The following PRLR variants were observed in gnomAD, a reference collection of about 807,000 sequenced individuals.
PRLR encodes the protein prolactin receptor.
A neutral mutation model predicts 40.2 loss-of-function variants in PRLR; 13 were observed. The ratio of observed to expected loss-of-function variants is 0.32; its 90% confidence interval spans 0.21 to 0.51. The LOEUF (loss-of-function observed/expected upper bound fraction) is 0.51, where lower values mean the gene tolerates loss of function less well. Among genes scored for constraint, PRLR ranks in the 20% least tolerant of loss-of-function variants. PRLR has a pLI of 0.97. For synonymous variants in PRLR, 269 were observed against 278.7 expected (o/e 0.97, Z 0.35); for missense variants, 656 against 747.3 (o/e 0.88, Z 1.42).
intron 5 of PRLR, among the ~76,000 whole-genome samples, chr5:35,075,311 T>C (rs528477547): frequency 6.6e-6 from 1 of 152,324 alleles, no homozygotes; most frequent in Admixed American, 6.5e-5. Context: ...TGACAGATGG[T>C]ACCTGGAAAA....
chr5:35,102,835 G>A (rs572078640), intron 2 of PRLR, among the ~76,000 whole-genome samples: 28 of 152,128 alleles, frequency 1.8e-4, no homozygotes, highest in African/African-American at 6.3e-4. Context: ...GAGCTGCCAC[G>A]CCCGGCTTTT....
In PRLR at chr5:35,059,472, A is replaced by C. The variant is rs1768907523; in HGVS notation, c.*5617T>G. 1 of 152,210 alleles carries C rather than the reference A, an allele frequency of 6.6e-6. No homozygotes were observed. Among genetic ancestry groups the C allele is most frequent in the Non-Finnish European group, 1.5e-5 (1 of 68,038 alleles). 9.4% of individuals were successfully genotyped at this position (152,210 alleles called of 1,614,324 possible). Reference sequence around the variant, plus strand: ...GACATAAACTCTTAGACATAAACTCATAAAATCTGTTCAGAACACTGAACA... The same window carrying C: ...GACATAAACTCTTAGACATAAACTCCTAAAATCTGTTCAGAACACTGAACA... On this transcript the variant is annotated 3_prime_UTR_variant, in exon 10 of 10. Coordinates refer to ENST00000618457, the MANE Select transcript of PRLR (RefSeq NM_000949.7).
chr5:35,198,094 G>C (rs1235410219), intron 1 of PRLR, among the ~76,000 whole-genome samples: 1 of 152,218 alleles, frequency 6.6e-6, no homozygotes, highest in Non-Finnish European at 1.5e-5. Flanking sequence ...CCCAGCGACA[G>C]GGCAGCATCC....
intron 1 of PRLR, among the ~76,000 whole-genome samples, chr5:35,199,507 C>T (rs2111601102): frequency 6.6e-6 from 1 of 152,184 alleles, no homozygotes; most frequent in East Asian, 1.9e-4. Context: ...TATCAATTTA[C>T]CTTAAAGGGA....
At chr5:35,215,264 A>G (rs1776258182) in intron 1 of PRLR, among the ~76,000 whole-genome samples, 1 of 152,198 alleles carries the variant, frequency 6.6e-6, no homozygotes, top group Non-Finnish European at 1.5e-5. Context: ...TTTGTTGGTG[A>G]AGTACAAGAA....
At chr5:35,167,541 A>G (rs1774876485) in intron 1 of PRLR, among the ~76,000 whole-genome samples, 2 of 152,116 alleles carry the variant, frequency 1.3e-5, no homozygotes, top group Admixed American at 1.3e-4. Flanking sequence ...TCATGGAAGT[A>G]TGTAATGTGG....
At chr5:35,158,352 G>C (rs1377390057) in intron 1 of PRLR, among the ~76,000 whole-genome samples, 4 of 152,068 alleles carry the variant, frequency 2.6e-5, no homozygotes, top group Non-Finnish European at 5.9e-5. Context: ...GATTATCAGG[G>C]AATAAAGAAG....
Position 35,079,303 on chromosome 5 carries a change from A to AAAACCCCAT in PRLR, c.373+5158_373+5166dup, listed in dbSNP as rs1291740813. Among the ~76,000 whole-genome samples, 4 of 152,328 alleles carry AAAACCCCAT rather than the reference A, an allele frequency of 2.6e-5. No homozygotes were observed. The East Asian group carries it at 7.7e-4, about 29-fold the overall frequency. ...GCAGATGACATGATTGTACGTTTAG[A>AAAACCCCAT]AAACCCCATCATCTCAGCCCAAAAT... On this transcript the variant is annotated intron_variant, in intron 5 of 9. Coordinates refer to ENST00000618457, the MANE Select transcript of PRLR (RefSeq NM_000949.7).
At position 35,064,738 on chromosome 5, in the gene PRLR, T is replaced by C. The variant is rs1488601222; in HGVS notation, c.*351A>G. On this transcript the variant is annotated 3_prime_UTR_variant, in exon 10 of 10. Coordinates refer to ENST00000618457, the MANE Select transcript of PRLR (RefSeq NM_000949.7). Reference sequence around the variant, plus strand: ...TGTCATCTTTCTATGGTAAACAATTTTGACAATTTCATTTCCGTCTGTCCC... The same window carrying C: ...TGTCATCTTTCTATGGTAAACAATTCTGACAATTTCATTTCCGTCTGTCCC... The C allele has an allele frequency of 5.5e-6, 1 of 181,420 alleles. No homozygotes were observed. Among genetic ancestry groups the C allele is most frequent in the Non-Finnish European group, 1.2e-5 (1 of 86,410 alleles). 11.2% of individuals were successfully genotyped at this position (181,420 alleles called of 1,614,324 possible). A position where few individuals can be genotyped will look rare whatever the true frequency, so the allele number is the denominator to read the frequency against.
At chr5:35,222,754 G>A (rs1396439189) in intron 1 of PRLR, among the ~76,000 whole-genome samples, 2 of 152,126 alleles carry the variant, frequency 1.3e-5, no homozygotes, top group Non-Finnish European at 2.9e-5. Context: ...TTCAGTAGCT[G>A]GAAATTCTAA....
chr5:35,134,826 T>C (rs2962095), intron 1 of PRLR, among the ~76,000 whole-genome samples: 34,764 of 152,094 alleles, frequency 0.23, 7,575 homozygotes, highest in African/African-American at 0.57. Flanking sequence ...CTACGGCTGT[T>C]TGGCTCCCAT....
At chr5:35,121,973 T>G (rs751705071) in intron 1 of PRLR, among the ~76,000 whole-genome samples, 3 of 152,168 alleles carry the variant, frequency 2.0e-5, no homozygotes, top group Non-Finnish European at 4.4e-5. Flanking sequence ...AAGTCCATGC[T>G]CTGAAGAAAC....
At chr5:35,156,718 G>A (rs918649222) in intron 1 of PRLR, among the ~76,000 whole-genome samples, 1 of 152,122 alleles carries the variant, frequency 6.6e-6, no homozygotes, top group East Asian at 1.9e-4. Context: ...TGTGCTCAAA[G>A]TTATCATGTC....
chr5:35,109,698 A>T (rs1470771780), intron 2 of PRLR, among the ~76,000 whole-genome samples: 2 of 152,242 alleles, frequency 1.3e-5, no homozygotes, highest in African/African-American at 4.8e-5. Flanking sequence ...AATGGCAATC[A>T]TTAAAAAGCC....
intron 5 of PRLR, chr5:35,081,894 C>T (rs1365294522): frequency 2.1e-5 from 4 of 194,256 alleles, no homozygotes; most frequent in Non-Finnish European, 3.3e-5. Flanking sequence ...TTGGGGCTGG[C>T]ATCGCCCTCA....
At chr5:35,115,250 C>T (rs541647747) in intron 2 of PRLR, among the ~76,000 whole-genome samples, 2 of 152,202 alleles carry the variant, frequency 1.3e-5, no homozygotes, top group South Asian at 2.1e-4. Flanking sequence ...TCGTTTCAGT[C>T]TCTCCACTGC....
At chr5:35,163,661 T>C (rs1478023649) in intron 1 of PRLR, among the ~76,000 whole-genome samples, 3 of 152,238 alleles carry the variant, frequency 2.0e-5, no homozygotes, top group African/African-American at 4.8e-5. Context: ...AAAGGAAGTA[T>C]ATGTATTGCT....
intron 2 of PRLR, among the ~76,000 whole-genome samples, chr5:35,112,369 T>C (rs981639680): frequency 4.5e-4 from 68 of 152,152 alleles, no homozygotes; most frequent in Non-Finnish European, 7.3e-5. Context: ...AAAAGGCGTT[T>C]AATAAATTCA....
In PRLR at chr5:35,064,718, T is replaced by A. The variant is rs1202112066; in HGVS notation, c.*371A>T. On this transcript the variant is annotated 3_prime_UTR_variant, in exon 10 of 10. Coordinates refer to ENST00000618457, the MANE Select transcript of PRLR (RefSeq NM_000949.7). ...CTATGTGGAAAATTTTCTTTTGTCA[T>A]CTTTCTATGGTAAACAATTTTGACA... 2 of 168,932 alleles carry A rather than the reference T, an allele frequency of 1.2e-5. No individual in the cohort carries two copies. The highest frequency in any genetic ancestry group is 4.8e-5 in the African/African-American group (2 of 41,962). 10.5% of individuals were successfully genotyped at this position (168,932 alleles called of 1,614,324 possible).
Sources: allele counts gnomAD v4.1 joint callset (sites outside exome capture counted in the v4.1 genomes callset), GRCh38; gene constraint gnomAD v4.1.1; transcripts MANE v1.5; gene names NCBI Gene and HGNC (gene_info 2026-07-23, HGNC 2026-07-21).